ABCC9: variants seen among roughly 807,000 people sequenced by gnomAD.
ABCC9 encodes ATP binding cassette subfamily C member 9, also known as ATP-binding cassette sub-family C member 9.
ABCC9 carries 95 observed loss-of-function variants against 188.3 expected under a neutral mutation model. The observed-to-expected ratio is 0.50, with a 90% CI of 0.43 to 0.60. ABCC9 has a LOEUF of 0.60. Ranked by LOEUF, ABCC9 falls within the 20% of genes least tolerant of loss-of-function variation. The pLI, the probability that ABCC9 is intolerant of heterozygous loss-of-function variation, is 0.00. For synonymous variants in ABCC9, 659 were observed against 652.7 expected, an observed-to-expected ratio of 1.01 and a Z score of -0.15; for missense variants, 1,102 against 1,876.3, an observed-to-expected ratio of 0.59 and a Z score of 7.62.
chr12:21,828,883 T>C lies in ABCC9; in HGVS notation c.3669+75A>G, dbSNP rs1317978812. 4.9e-6 allele frequency: 6 copies of C among 1,233,124 alleles called. No individual in the cohort carries two copies. In the African/African-American group the frequency reaches 5.9e-5, roughly 12 times the overall value. The allele number at this position is 1,233,124 out of a possible 1,614,324, so 76.4% of individuals were successfully genotyped here. On this transcript the variant is annotated intron_variant, in intron 31 of 39. Coordinates refer to ENST00000261200, the MANE Select transcript of ABCC9 (RefSeq NM_020297.4). ...CCGAATCTCAGTGGAATACTAATTT[T>C]TACAACTGTCTGCCTCTTTGCAGCA...
intron 30 of ABCC9, among the ~76,000 whole-genome samples, chr12:21,834,602 G>C (rs150242548): frequency 6.6e-6 from 1 of 151,914 alleles, no homozygotes; most frequent in Non-Finnish European, 1.5e-5. Flanking sequence ...AAGTGCTTGG[G>C]TGCTGGCCTC....
At chr12:21,813,187 G>A (rs1253130523) in intron 35 of ABCC9, among the ~76,000 whole-genome samples, 2 of 152,102 alleles carry the variant, frequency 1.3e-5, no homozygotes, top group African/African-American at 2.4e-5. Context: ...ATTACAAATA[G>A]AGAAGTAAAT....
At chr12:21,837,201 A>G (rs1054318098) in intron 30 of ABCC9, among the ~76,000 whole-genome samples, 1 of 152,204 alleles carries the variant, frequency 6.6e-6, no homozygotes, top group South Asian at 2.1e-4. Flanking sequence ...TGACATCTCC[A>G]ATAAAAGGAA....
At chr12:21,854,049 T>A (rs890208883) in intron 22 of ABCC9, among the ~76,000 whole-genome samples, 1 of 152,252 alleles carries the variant, frequency 6.6e-6, no homozygotes, top group Non-Finnish European at 1.5e-5. Context: ...TTTCTCATGC[T>A]ACTACACACA....
At chr12:21,903,349 A>T (rs1344379036) in intron 12 of ABCC9, among the ~76,000 whole-genome samples, 1 of 152,216 alleles carries the variant, frequency 6.6e-6, no homozygotes, top group Non-Finnish European at 1.5e-5. Flanking sequence ...AACTGGAAGC[A>T]TTCCCTTTGA....
intron 38 of ABCC9, among the ~76,000 whole-genome samples, chr12:21,806,672 T>A (rs1941869769): frequency 6.6e-6 from 1 of 152,200 alleles, no homozygotes; most frequent in Admixed American, 6.5e-5. Context: ...ATTACCGTTA[T>A]AATAACCCTC....
chr12:21,894,277 A>C (rs1379793768), intron 13 of ABCC9, 103 bp from the exon 14 acceptor site: 1 of 1,279,696 alleles, frequency 7.8e-7, no homozygotes, highest in South Asian at 1.2e-5. Context: ...CAGTATGTCC[A>C]TTGTAACTAT....
Position 21,817,236 on chromosome 12 carries a change from C to G in ABCC9, c.3843G>C (p.Lys1281Asn). ...DLEVQMGAVK[K>N]VNSFLTMESE... ...ACTCCATAGTCAGGAAACTGTTCAC[C>G]TTCTTCACTGCACCCATCTGGACCT... is the stretch of plus-strand genomic sequence containing the variant. Residue 1281 changes from lysine to asparagine, a missense_variant, in exon 33 of 40, where the codon AAG becomes AAC. By Grantham distance (94) the Lys-to-Asn change is moderately conservative. This residue lies in a region of ABCC9 where 143 missense variants were observed against 225.6 expected (regional missense o/e 0.63). Coordinates refer to ENST00000261200, the MANE Select transcript of ABCC9 (RefSeq NM_020297.4). 6.2e-7 allele frequency: 1 copy of G among 1,613,798 alleles called. No homozygotes were observed. Among genetic ancestry groups the G allele is most frequent in the Non-Finnish European group, 8.5e-7 (1 of 1,179,824 alleles).
intron 31 of ABCC9, among the ~76,000 whole-genome samples, chr12:21,825,601 C>T (rs1176310908): frequency 6.8e-6 from 1 of 146,122 alleles, no homozygotes; most frequent in Non-Finnish European, 1.5e-5. Flanking sequence ...AATGAGAACA[C>T]ATGGACACAG....
chr12:21,867,777 G>A (rs1244480839), intron 18 of ABCC9, among the ~76,000 whole-genome samples: 1 of 151,440 alleles, frequency 6.6e-6, no homozygotes, highest in African/African-American at 2.4e-5. Context: ...AGGACAGAAG[G>A]GGCCTGAAGA....
At chr12:21,849,192 C>A (rs1174198814) in intron 24 of ABCC9, among the ~76,000 whole-genome samples, 1 of 151,524 alleles carries the variant, frequency 6.6e-6, no homozygotes, top group African/African-American at 2.4e-5. Context: ...GAAAAAAAAA[C>A]CTACACAGTT....
intron 14 of ABCC9, among the ~76,000 whole-genome samples, chr12:21,892,028 T>A (rs1479584747): frequency 6.6e-6 from 1 of 152,160 alleles, no homozygotes; most frequent in African/African-American, 2.4e-5. Context: ...TGAAACTCAT[T>A]TGAGAGAATC....
intron 2 of ABCC9, among the ~76,000 whole-genome samples, chr12:21,939,546 G>A (rs1949616922): frequency 6.6e-6 from 1 of 152,138 alleles, no homozygotes; most frequent in African/African-American, 2.4e-5. Flanking sequence ...ATAAATCGCT[G>A]TTCTTGCTGG....
intron 18 of ABCC9, among the ~76,000 whole-genome samples, chr12:21,871,930 T>A (rs1272877701): frequency 6.6e-6 from 1 of 152,226 alleles, no homozygotes; most frequent in Non-Finnish European, 1.5e-5. Context: ...GTCTACTAAG[T>A]AGGCCAAACT....
intron 3 of ABCC9, among the ~76,000 whole-genome samples, chr12:21,935,358 A>G (rs2138070057): frequency 6.6e-6 from 1 of 152,248 alleles, no homozygotes; most frequent in South Asian, 2.1e-4. Context: ...GCATCTGTAC[A>G]TTTGTTCAAC....
chr12:21,883,431 A>T (rs986098308), intron 15 of ABCC9, among the ~76,000 whole-genome samples: 3 of 152,154 alleles, frequency 2.0e-5, no homozygotes, highest in Non-Finnish European at 4.4e-5. Flanking sequence ...ACCATGTAAG[A>T]TGTGCCTTTG....
At chr12:21,805,257 T>C in intron 39 of ABCC9, 1 of 1,613,666 alleles carries the variant, frequency 6.2e-7, no homozygotes. Context: ...TCCACTAAAA[T>C]ACCCTCAGAA....
intron 4 of ABCC9, among the ~76,000 whole-genome samples, chr12:21,928,274 G>T (rs1323235976): frequency 8.5e-6 from 1 of 118,282 alleles, no homozygotes; most frequent in Non-Finnish European, 1.8e-5. Flanking sequence ...GAGGATGGAA[G>T]GGGGAAAGGA....
Position 21,884,073 on chromosome 12 carries a change from AACT to A in ABCC9, c.1912-1203_1912-1201del, listed in dbSNP as rs567349146. Among the ~76,000 whole-genome samples, 9 of 132,576 alleles carry A rather than the reference AACT, an allele frequency of 6.8e-5. No homozygotes were observed. The South Asian group carries it at 1.9e-3, about 28-fold the overall frequency. 87.0% of individuals were successfully genotyped at this position (132,576 alleles called of 152,430 possible). A position where few individuals can be genotyped will look rare whatever the true frequency, so the allele number is the denominator to read the frequency against. On this transcript the variant is annotated intron_variant, in intron 15 of 39. Coordinates refer to ENST00000261200, the MANE Select transcript of ABCC9 (RefSeq NM_020297.4). ...AGTCAGTATTTCAACATAAATAATT[AACT>A]TTTTTTTTTTTTTGAAACAGAGTCT...
Sources: gnomAD v4.1 joint callset for allele counts (sites outside exome capture counted in the v4.1 genomes callset) on GRCh38, gnomAD v4.1.1 for gene constraint, gnomAD v4.1.1 regional missense constraint, MANE v1.5 for transcripts, NCBI Gene and HGNC (gene_info 2026-07-23, HGNC 2026-07-21) for gene names.